Variants in ZNF521 observed in about 807,000 individuals in gnomAD.
ZNF521 encodes the protein LYST-interacting protein 3.
A neutral mutation model predicts 105.5 loss-of-function variants in ZNF521; 14 were observed. The ratio of observed to expected loss-of-function variants is 0.13; its 90% CI spans 0.09 to 0.21. ZNF521 has a LOEUF of 0.21. Ranked by LOEUF, ZNF521 falls within the 10% of genes least tolerant of loss-of-function variation. ZNF521 has a pLI of 1.00. For synonymous variants in ZNF521, 635 were observed against 606.0 expected (o/e 1.05, Z -0.70); for missense variants, 1,233 against 1,629.7 (o/e 0.76, Z 4.19).
intron 3 of ZNF521, among the ~76,000 whole-genome samples, chr18:25,260,416 G>A (rs1908826192): frequency 6.6e-6 from 1 of 151,992 alleles, no homozygotes; most frequent in African/African-American, 2.4e-5. Context: ...GTATGGGTGG[G>A]GTGGTGGGTC....
intron 5 of ZNF521, among the ~76,000 whole-genome samples, chr18:25,151,498 T>C (rs2035047419): frequency 6.6e-6 from 1 of 152,212 alleles, no homozygotes; most frequent in Admixed American, 6.5e-5. Flanking sequence ...AGTGAATAAA[T>C]GATTGACTGA....
intron 5 of ZNF521, among the ~76,000 whole-genome samples, chr18:25,178,431 T>C (rs2035571378): frequency 6.6e-6 from 1 of 152,222 alleles, no homozygotes; most frequent in Non-Finnish European, 1.5e-5. Flanking sequence ...GATATGAACA[T>C]AACCACTTGC....
intron 5 of ZNF521, among the ~76,000 whole-genome samples, chr18:25,112,873 G>A (rs1017697319): frequency 1.3e-5 from 2 of 152,020 alleles, no homozygotes; most frequent in Admixed American, 6.6e-5. Context: ...TCTGCATGCC[G>A]TAGATTTAAT....
At chr18:25,222,302 G>A (rs933040323) in intron 4 of ZNF521, among the ~76,000 whole-genome samples, 10 of 152,292 alleles carry the variant, frequency 6.6e-5, no homozygotes, top group African/African-American at 9.6e-5. Flanking sequence ...GGTGTCATTC[G>A]AGCCTTAATG....
chr18:25,334,761 G>A (rs1330239338), intron 2 of ZNF521, among the ~76,000 whole-genome samples: 1 of 152,134 alleles, frequency 6.6e-6, no homozygotes, highest in African/African-American at 2.4e-5. Context: ...GCCACCCCTA[G>A]AGACTTTGCA....
At chr18:25,234,139 A>G (rs1906720838) in intron 3 of ZNF521, among the ~76,000 whole-genome samples, 1 of 152,140 alleles carries the variant, frequency 6.6e-6, no homozygotes, top group African/African-American at 2.4e-5. Flanking sequence ...TTCTTTTTCT[A>G]TCTTTTGGCT....
At chr18:25,207,506 G>C (rs2036103896) in intron 4 of ZNF521, among the ~76,000 whole-genome samples, 1 of 152,136 alleles carries the variant, frequency 6.6e-6, no homozygotes, top group Admixed American at 6.5e-5. Flanking sequence ...TACACTTTCA[G>C]CGCATAGAAT....
At chr18:25,317,022 C>CT (rs1195464041) in intron 3 of ZNF521, among the ~76,000 whole-genome samples, 1 of 151,916 alleles carries the variant, frequency 6.6e-6, no homozygotes, top group Non-Finnish European at 1.5e-5. Flanking sequence ...GCCCTGCTAA[C>CT]TTTTTTGTAT....
chr18:25,102,237 T>C (rs970606323), intron 5 of ZNF521, among the ~76,000 whole-genome samples: 3 of 152,134 alleles, frequency 2.0e-5, no homozygotes, highest in African/African-American at 7.2e-5. Flanking sequence ...CTGGCTACTA[T>C]TTGGCATTTT....
intron 5 of ZNF521, among the ~76,000 whole-genome samples, chr18:25,150,436 A>G (rs979004352): frequency 1.1e-4 from 17 of 152,182 alleles, no homozygotes. Flanking sequence ...ACAGAAATAA[A>G]AAATTATAGG....
At chr18:25,129,246 G>GAAT (rs747830346) in intron 5 of ZNF521, among the ~76,000 whole-genome samples, 16,472 of 127,134 alleles carry the variant, frequency 0.13, 1,068 homozygotes, top group Middle Eastern at 0.19. Context: ...CTTTCACACG[G>GAAT]AATAATAATA....
At chr18:25,169,922 A>G (rs2035417099) in intron 5 of ZNF521, among the ~76,000 whole-genome samples, 1 of 152,148 alleles carries the variant, frequency 6.6e-6, no homozygotes, top group Non-Finnish European at 1.5e-5. Context: ...TTTGCATCTT[A>G]TTAGGACTTT....
Position 25,226,511 on chromosome 18 carries a change from A to C in ZNF521, c.1407T>G (p.Val469=). The C allele has an allele frequency of 6.2e-7, 1 of 1,614,192 alleles. No homozygotes were observed. The highest frequency in any genetic ancestry group is 8.5e-7 in the Non-Finnish European group (1 of 1,180,030). Residue 469 remains valine, a synonymous_variant, in exon 4 of 8, where the codon GTT becomes GTG. Transcript: ENST00000361524. This position sits in a 1 kb window ranked among gnomAD's most constrained non-coding sequence, Gnocchi z 4.1. ...VHEAQDPGLI[V]SAMPAIVYQC... Reference sequence around the variant, plus strand: ...GGTAGACAATGGCAGGCATGGCAGAAACAATCAGACCTGGGTCCTGAGCTT... The same window carrying C: ...GGTAGACAATGGCAGGCATGGCAGACACAATCAGACCTGGGTCCTGAGCTT...
In ZNF521 at chr18:25,292,115, C is replaced by G. The variant is rs140267398; in HGVS notation, c.220+29893G>C. On this transcript the variant is annotated intron_variant, in intron 3 of 7. Transcript: ENST00000361524. ...TAAACTGCCACATATTATTTTTTGC[C>G]CTGGAAAACACAGGGCAAGTCTTTG... Among the ~76,000 whole-genome samples the G allele has an allele frequency of 3.5e-3, 532 of 152,008 alleles. 2 individuals are homozygous for G. Among genetic ancestry groups the G allele is most frequent in the African/African-American group, 0.012 (502 of 41,476 alleles).
chr18:25,149,249 G>C (rs78902003), intron 5 of ZNF521, among the ~76,000 whole-genome samples: 1 of 152,244 alleles, frequency 6.6e-6, no homozygotes, highest in African/African-American at 2.4e-5. Flanking sequence ...TAACTTCTAA[G>C]GTGCTACGAT....
rs1314713608 is a variant in ZNF521 at position 25,089,686 on chromosome 18, G to T, written c.3791-106C>A. On this transcript the variant is annotated intron_variant, in intron 6 of 7. Coordinates refer to ENST00000361524, the MANE Select transcript of ZNF521 (RefSeq NM_015461.3). ...GCAGGCCGGACAGCACGCCTCCCAGGTGTGACTTACTGCCTGAGACCTGGG... is the reference window on the plus strand; with the variant it reads ...GCAGGCCGGACAGCACGCCTCCCAGTTGTGACTTACTGCCTGAGACCTGGG... The T allele has an allele frequency of 4.7e-6, 4 of 844,274 alleles. No homozygotes were observed. The East Asian group carries it at 7.9e-5, about 17-fold the overall frequency. 52.3% of individuals were successfully genotyped at this position (844,274 alleles called of 1,614,324 possible).
intron 3 of ZNF521, among the ~76,000 whole-genome samples, chr18:25,242,709 G>A (rs1027166502): frequency 2.0e-5 from 3 of 152,068 alleles, no homozygotes; most frequent in Admixed American, 1.3e-4. Flanking sequence ...TTTAGCTATC[G>A]AATGTAGTGG....
At chr18:25,223,093 CAT>C (rs751976731) in intron 4 of ZNF521, among the ~76,000 whole-genome samples, 12 of 152,198 alleles carry the variant, frequency 7.9e-5, no homozygotes, top group Non-Finnish European at 1.8e-4. Flanking sequence ...ACCCTCATTT[CAT>C]ATGCTTTTAA....
chr18:25,102,122 T>C (rs538222075), intron 5 of ZNF521, among the ~76,000 whole-genome samples: 1 of 152,160 alleles, frequency 6.6e-6, no homozygotes, highest in African/African-American at 2.4e-5. Context: ...CTAAAACTAC[T>C]ATAAAGCAAT....
Sources: allele counts gnomAD v4.1 joint callset (sites outside exome capture counted in the v4.1 genomes callset), GRCh38; gene constraint gnomAD v4.1.1; non-coding constraint Gnocchi (gnomAD v3.1); transcripts MANE v1.5; gene names NCBI Gene and HGNC (gene_info 2026-07-23, HGNC 2026-07-21).